The following KCNMA1 variants were observed in gnomAD, a reference collection of about 807,000 sequenced individuals.
The protein encoded by KCNMA1 is potassium calcium-activated channel subfamily M alpha 1, also known as Calcium-activated potassium channel subunit alpha-1.
KCNMA1 carries 29 observed loss-of-function variants against 140.0 expected under a neutral mutation model. That is an observed-to-expected ratio of 0.21 (90% CI 0.15 to 0.28). KCNMA1 has a LOEUF of 0.28. KCNMA1 is among the 10% of genes least tolerant of loss of function. The pLI, the probability that KCNMA1 is intolerant of heterozygous loss-of-function variation, is 1.00. For missense variants in KCNMA1, 880 were observed against 1,602.2 expected (o/e 0.55, Z 7.70); for synonymous variants, 612 against 611.9 (o/e 1.00, Z 0.00).
intron 5 of KCNMA1, among the ~76,000 whole-genome samples, chr10:77,176,987 C>G (rs2098756316): frequency 6.6e-6 from 1 of 152,118 alleles, no homozygotes; most frequent in African/African-American, 2.4e-5. Flanking sequence ...TGGCAGGAAG[C>G]AAGATCAGAG....
intron 1 of KCNMA1, among the ~76,000 whole-genome samples, chr10:77,423,073 T>A (rs287187): frequency 0.47 from 70,805 of 152,174 alleles, 17,420 homozygotes; most frequent in African/African-American, 0.62. Flanking sequence ...CAGCTGTCTG[T>A]TCCCTTTGTC....
downstream of KCNMA1, among the ~76,000 whole-genome samples, chr10:76,881,665 AC>A (rs2034715183): frequency 6.6e-6 from 1 of 152,224 alleles, no homozygotes; most frequent in Admixed American, 6.5e-5. Flanking sequence ...TACTATCAGT[AC>A]TAAAGGATGA....
chr10:77,114,890 GT>G (rs2097419298), intron 6 of KCNMA1, among the ~76,000 whole-genome samples: 1 of 152,198 alleles, frequency 6.6e-6, no homozygotes, highest in South Asian at 2.1e-4. Context: ...CAACCCATTA[GT>G]TTTGGTCAGT....
intron 1 of KCNMA1, among the ~76,000 whole-genome samples, chr10:77,570,366 A>G (rs2070529768): frequency 6.7e-6 from 1 of 148,254 alleles, no homozygotes; most frequent in Non-Finnish European, 1.5e-5. Flanking sequence ...GACTGGATTA[A>G]GAAAATGTGG....
chr10:77,287,232 G>T (rs2071315168), intron 2 of KCNMA1, among the ~76,000 whole-genome samples: 1 of 152,174 alleles, frequency 6.6e-6, no homozygotes. Context: ...TGAGACCCTT[G>T]TCTGAAAATA....
At chr10:77,469,255 T>C (rs1359789924) in intron 1 of KCNMA1, among the ~76,000 whole-genome samples, 1 of 152,126 alleles carries the variant, frequency 6.6e-6, no homozygotes, top group African/African-American at 2.4e-5. Flanking sequence ...CCACACGCCA[T>C]CCAAGTCCCC....
chr10:77,455,870 C>G (rs1325299404), intron 1 of KCNMA1, among the ~76,000 whole-genome samples: 1 of 152,230 alleles, frequency 6.6e-6, no homozygotes, highest in South Asian at 2.1e-4. Flanking sequence ...CCATTCAGCT[C>G]TTAGTCCTCA....
At chr10:77,138,102 G>C (rs188991280) in intron 5 of KCNMA1, among the ~76,000 whole-genome samples, 34 of 152,238 alleles carry the variant, frequency 2.2e-4, no homozygotes, top group Non-Finnish European at 4.3e-4. Flanking sequence ...CATGCACAGA[G>C]TCACTGCTTC....
At chr10:77,506,823 A>AAGAGAG (rs147091712) in intron 1 of KCNMA1, among the ~76,000 whole-genome samples, 26 of 89,098 alleles carry the variant, frequency 2.9e-4, no homozygotes, top group South Asian at 1.5e-3. Flanking sequence ...GAGAGAGAGA[A>AAGAGAG]AGAGAGAGAG....
At chr10:77,162,888 G>A (rs767575551) in intron 5 of KCNMA1, among the ~76,000 whole-genome samples, 21 of 152,086 alleles carry the variant, frequency 1.4e-4, no homozygotes, top group African/African-American at 2.4e-4. Context: ...AACAGACTGC[G>A]GGGTTCATAT....
intron 23 of KCNMA1, among the ~76,000 whole-genome samples, chr10:76,920,886 T>C (rs1186702873): frequency 6.6e-6 from 1 of 152,234 alleles, no homozygotes; most frequent in Non-Finnish European, 1.5e-5. Context: ...TGGGACCCAT[T>C]GTAGTTATGC....
At chr10:76,907,432 C>T (rs1037227988) in intron 25 of KCNMA1, among the ~76,000 whole-genome samples, 5 of 152,324 alleles carry the variant, frequency 3.3e-5, no homozygotes, top group African/African-American at 9.6e-5. Flanking sequence ...AGAAGTTCTC[C>T]AGTGCTCAAA....
intron 14 of KCNMA1, among the ~76,000 whole-genome samples, chr10:77,069,839 G>T (rs891587907): frequency 1.1e-4 from 16 of 151,962 alleles, no homozygotes; most frequent in African/African-American, 3.9e-4. Flanking sequence ...TGGAGACGGG[G>T]TCTTCTTTCT....
chr10:77,039,883 C>T (rs373910676), intron 14 of KCNMA1, among the ~76,000 whole-genome samples: 43 of 78,982 alleles, frequency 5.4e-4, no homozygotes, highest in Middle Eastern at 0.014. Context: ...TTTTCTTTTT[C>T]TTTTTTTTTT....
Position 77,108,152 on chromosome 10 carries a change from C to T in KCNMA1, c.1223+329G>A. ...CGTCCTCGGGTCACCTCTGACATCA[C>T]ACCCCATGCAGAAACTGGGCCTTCC... is the stretch of plus-strand genomic sequence containing the variant. On this transcript the variant is annotated intron_variant, in intron 9 of 27. Coordinates refer to ENST00000286628, the MANE Select transcript of KCNMA1 (RefSeq NM_001161352.2). The surrounding 1 kb of genome is among the most constrained non-coding windows in gnomAD (Gnocchi z 4.6). The T allele has an allele frequency of 4.3e-6, 3 of 693,586 alleles. No individual in the cohort carries two copies. The highest frequency in any genetic ancestry group is 7.1e-6 in the Non-Finnish European group (3 of 424,374). 43.0% of individuals were successfully genotyped at this position (693,586 alleles called of 1,614,324 possible).
chr10:77,536,533 T>C (rs2058924473), intron 1 of KCNMA1, among the ~76,000 whole-genome samples: 1 of 152,214 alleles, frequency 6.6e-6, no homozygotes, highest in African/African-American at 2.4e-5. Flanking sequence ...AACTCATCTA[T>C]TCTGTGCAAC....
intron 14 of KCNMA1, among the ~76,000 whole-genome samples, chr10:77,057,249 G>A (rs562224833): frequency 4.4e-4 from 67 of 152,244 alleles, no homozygotes; most frequent in African/African-American, 1.6e-3. Flanking sequence ...CAGAAACAAT[G>A]GAGGCAAGAA....
chr10:76,943,333 G>A (rs1264290899), intron 23 of KCNMA1, among the ~76,000 whole-genome samples: 1 of 152,194 alleles, frequency 6.6e-6, no homozygotes, highest in Non-Finnish European at 1.5e-5. Context: ...TGGCAGGGAG[G>A]ACGGTGGCAT....
chr10:77,073,045 C>A (rs766010629), intron 14 of KCNMA1, 52 bp downstream of exon 14: 181 of 1,566,538 alleles, frequency 1.2e-4, no homozygotes, highest in Non-Finnish European at 1.3e-4. Flanking sequence ...CTACTCAACC[C>A]CACGACAAAT....
Sources: allele counts gnomAD v4.1 joint callset (sites outside exome capture counted in the v4.1 genomes callset), GRCh38; gene constraint gnomAD v4.1.1; non-coding constraint Gnocchi (gnomAD v3.1); transcripts MANE v1.5; gene names NCBI Gene and HGNC (gene_info 2026-07-23, HGNC 2026-07-21).